Variants in MIER3 observed in about 807,000 individuals in gnomAD.
MIER3 encodes mesoderm induction early response protein 3.
Under a neutral mutation model 63.2 loss-of-function variants are expected in MIER3, and 9 were observed. The observed-to-expected ratio is 0.14, with a 90% CI of 0.09 to 0.25. The LOEUF (loss-of-function observed/expected upper bound fraction) is 0.25. Ranked by LOEUF, MIER3 falls within the 10% of genes least tolerant of loss-of-function variation. The pLI is 1.00. For missense variants in MIER3, 512 were observed against 666.2 expected, an observed-to-expected ratio of 0.77 and a Z score of 2.55; for synonymous variants, 205 against 224.9, an observed-to-expected ratio of 0.91 and a Z score of 0.79.
chr5:56,925,645 G>A (rs1749934509), intron 10 of MIER3: 1 of 176,676 alleles, frequency 5.7e-6, no homozygotes, highest in Admixed American at 6.3e-5. Context: ...TCATGGATAA[G>A]AAGACACTTC....
chr5:56,929,005 A>T (rs12520565), intron 9 of MIER3, 144 bp from the exon 10 acceptor site: 139 of 510,592 alleles, frequency 2.7e-4, no homozygotes, highest in East Asian at 6.0e-4. Context: ...ACACACACAC[A>T]CTCTCTCTCT....
At chr5:56,941,725 G>A (rs143495907) in intron 3 of MIER3, 39 of 152,294 alleles carry the variant, frequency 2.6e-4, no homozygotes, top group African/African-American at 8.7e-4. Flanking sequence ...GAGTACCATG[G>A]CATTATTTCT....
At chr5:56,941,450 C>T (rs1469543203) in intron 3 of MIER3, 2 of 152,078 alleles carry the variant, frequency 1.3e-5, no homozygotes, top group Non-Finnish European at 2.9e-5. Context: ...CAGGGAAAGA[C>T]AGTCAGCAAT....
intron 7 of MIER3, among the ~76,000 whole-genome samples, chr5:56,935,184 C>T (rs1750398875): frequency 6.6e-6 from 1 of 152,098 alleles, no homozygotes; most frequent in South Asian, 2.1e-4. Context: ...CGAACAGGCA[C>T]TGAGCACACT....
chr5:56,939,075 G>A (rs1348066033), intron 3 of MIER3, 58 bp from the exon 4 acceptor site: 2 of 1,585,826 alleles, frequency 1.3e-6, no homozygotes, highest in East Asian at 2.3e-5. Flanking sequence ...TGAACTGCAG[G>A]TAAACTGTAC....
rs1749762647 is a variant in MIER3 at position 56,923,241 on chromosome 5, T to C, written c.1540A>G (p.Ser514Gly). 2 of 1,614,142 alleles carry C rather than the reference T, an allele frequency of 1.2e-6. No homozygotes were observed. The highest frequency in any genetic ancestry group is 8.5e-7 in the Non-Finnish European group (1 of 1,180,018). Residue 514 changes from serine to glycine, a missense_variant, in exon 13 of 13, where the codon AGT becomes GGT. Ser to Gly is a moderately conservative substitution (Grantham distance 56). Around this residue, in one of 5 missense-constraint regions of MIER3, gnomAD observed 218 missense variants for 251.2 expected, o/e 0.87. Transcript: ENST00000381199. ...GCCACAGAAACAGCCATTTTGGCAC[T>C]GGTGATGTGATGTGTGTGATTTTCA... ...DFENHTHHIT[S>G]AKMAVSVADF...
chr5:56,923,854 A>G (rs780525119), intron 11 of MIER3, 21 bp from the exon 12 acceptor site: 4 of 1,614,078 alleles, frequency 2.5e-6, no homozygotes, highest in Non-Finnish European at 3.4e-6. Flanking sequence ...CACCCCAGTA[A>G]TTTTATGACT....
chr5:56,933,373 A>G lies in MIER3; in HGVS notation c.621T>C (p.Leu207=), dbSNP rs767356083. 6.2e-7 allele frequency: 1 copy of G among 1,611,400 alleles called. No homozygotes were observed. The highest frequency in any genetic ancestry group is 1.7e-5 in the Admixed American group (1 of 59,450). The change falls in exon 8 of 13, where the codon CTT becomes CTC. Residue 207 remains leucine, a synonymous_variant. Transcript: ENST00000381199. ...TCTCCAAAACCACATCAGGACACCA[A>G]AGTAACTGGTCTTCGTTTTCATATA... ...EKVYENEDQL[L]WCPDVVLESK...
chr5:56,940,758 T>C (rs1750617899), intron 3 of MIER3, among the ~76,000 whole-genome samples: 1 of 152,212 alleles, frequency 6.6e-6, no homozygotes, highest in African/African-American at 2.4e-5. Context: ...GAAACTTCAA[T>C]GAATTATTTT....
intron 3 of MIER3, chr5:56,940,909 G>A: frequency 1.1e-6 from 1 of 937,710 alleles, no homozygotes; most frequent in Non-Finnish European, 1.3e-6. Context: ...TGCCTGGGTT[G>A]CAGCCTTTGC....
chr5:56,946,406 C>G lies in MIER3; in HGVS notation c.180+520G>C, dbSNP rs148665417. Among the ~76,000 whole-genome samples, 630 of 152,250 alleles carry G rather than the reference C, an allele frequency of 4.1e-3. 2 individuals are homozygous for G. The highest frequency in any genetic ancestry group is 0.014 in the African/African-American group (568 of 41,562). ...GGCTTAAAAAATTACAAACTACACT[C>G]ACTCTTGCCAACCTTTTCAAAGATG... On this transcript the variant is annotated intron_variant, in intron 3 of 12. Transcript: ENST00000381199.
At chr5:56,929,003 ACACTCT>A in intron 9 of MIER3, 142 bp from the exon 10 acceptor site, 6 of 554,738 alleles carry the variant, frequency 1.1e-5, no homozygotes, top group South Asian at 2.5e-5. Context: ...ACACACACAC[ACACTCT>A]CTCTCTCTCT....
At chr5:56,932,725 G>A (rs541501695) in intron 8 of MIER3, among the ~76,000 whole-genome samples, 1 of 152,232 alleles carries the variant, frequency 6.6e-6, no homozygotes, top group Admixed American at 6.5e-5. Flanking sequence ...ATGCTCCTAA[G>A]TCAAATTTAT....
chr5:56,939,918 A>G (rs751798298), intron 3 of MIER3, among the ~76,000 whole-genome samples: 1 of 152,228 alleles, frequency 6.6e-6, no homozygotes, highest in Non-Finnish European at 1.5e-5. Context: ...ACTTTTGTCT[A>G]AGCATACTCT....
At chr5:56,947,130 T>TA (rs1364920393) in intron 2 of MIER3, 59 bp from the exon 3 acceptor site, 16 of 1,532,166 alleles carry the variant, frequency 1.0e-5, no homozygotes, top group Non-Finnish European at 1.4e-5. Flanking sequence ...CAAAAGAAAA[T>TA]AAAAATTTGT....
Position 56,920,886 on chromosome 5 carries a change from C to G in MIER3, c.*2242G>C, listed in dbSNP as rs1749640351. The stretch of plus-strand genomic sequence containing the variant: ...AGTAAACATTACCAGCTAGTTAGCA[C>G]TCTCTAAGAGGCTAAAATCAGATTG... On this transcript the variant is annotated 3_prime_UTR_variant, in exon 13 of 13. Coordinates refer to ENST00000381199, the MANE Select transcript of MIER3 (RefSeq NM_001297599.2). 1 of 152,456 alleles carries G rather than the reference C, an allele frequency of 6.6e-6. No homozygotes were observed. The highest frequency in any genetic ancestry group is 2.4e-5 in the African/African-American group (1 of 41,442). 9.4% of individuals were successfully genotyped at this position (152,456 alleles called of 1,614,324 possible). A position where few individuals can be genotyped will look rare whatever the true frequency, so the allele number is the denominator to read the frequency against.
intron 7 of MIER3, among the ~76,000 whole-genome samples, chr5:56,933,752 C>A (rs535065584): frequency 1.3e-5 from 2 of 152,076 alleles, no homozygotes; most frequent in African/African-American, 2.4e-5. Context: ...TCTCTAATAA[C>A]CTCATTGGAC....
chr5:56,925,297 T>C (rs1749909134), intron 10 of MIER3: 1 of 453,004 alleles, frequency 2.2e-6, no homozygotes, highest in Non-Finnish European at 4.4e-6. Flanking sequence ...AGTATACAGA[T>C]TGGGAAGGAA....
Position 56,937,643 on chromosome 5 carries a change from G to A in MIER3, c.371C>T (p.Ala124Val), listed in dbSNP as rs1430268426. 2 of 1,611,894 alleles carry A rather than the reference G, an allele frequency of 1.2e-6. No individual in the cohort carries two copies. Among genetic ancestry groups the A allele is most frequent in the Non-Finnish European group, 8.5e-7 (1 of 1,178,858 alleles). The change falls in exon 5 of 13, where the codon GCG becomes GTG. Residue 124 changes from alanine to valine, a missense_variant. By Grantham distance (64) the Ala-to-Val change is moderately conservative. Coordinates refer to ENST00000381199, the MANE Select transcript of MIER3 (RefSeq NM_001297599.2). Reference sequence around the variant, plus strand: ...AGTCACAGATGGCGTCAGATCATCCGCAGAAGACTGAGTTTCCTCGTCATC... The same window carrying A: ...AGTCACAGATGGCGTCAGATCATCCACAGAAGACTGAGTTTCCTCGTCATC... ...SGDDEETQSS[A>V]DDLTPSVTSH...
Sources: gnomAD v4.1 joint callset for allele counts (sites outside exome capture counted in the v4.1 genomes callset) on GRCh38, gnomAD v4.1.1 for gene constraint, gnomAD v4.1.1 regional missense constraint, MANE v1.5 for transcripts, NCBI Gene and HGNC (gene_info 2026-07-23, HGNC 2026-07-21) for gene names.